NTRK2: variants seen among roughly 807,000 people sequenced by gnomAD.
The protein encoded by NTRK2 is BDNF/NT-3 growth factors receptor.
A neutral mutation model predicts 94.5 loss-of-function variants in NTRK2; 13 were observed. The observed-to-expected ratio is 0.14, with a 90% CI of 0.09 to 0.22. NTRK2 has a LOEUF of 0.22. Among genes scored for constraint, NTRK2 ranks in the 10% least tolerant of loss-of-function variants. NTRK2 has a pLI of 1.00. For synonymous variants in NTRK2, 372 were observed against 407.4 expected, an observed-to-expected ratio of 0.91 and a Z score of 1.05; for missense variants, 639 against 1,071.2, an observed-to-expected ratio of 0.60 and a Z score of 5.63.
At chr9:84,874,197 C>T (rs1279162685) in intron 14 of NTRK2, 3 of 1,065,228 alleles carry the variant, frequency 2.8e-6, no homozygotes, top group South Asian at 9.1e-5. Flanking sequence ...CCAGGACCAG[C>T]TGAGCAAACA....
intron 2 of NTRK2, among the ~76,000 whole-genome samples, chr9:84,686,470 A>C (rs1216203737): frequency 6.6e-5 from 10 of 152,228 alleles, no homozygotes; most frequent in Admixed American, 6.5e-4. Context: ...ATAGCTAATA[A>C]TGGATATCCT....
intron 14 of NTRK2, chr9:84,876,488 G>A: frequency 2.8e-6 from 3 of 1,055,128 alleles, no homozygotes; most frequent in Non-Finnish European, 2.3e-6. Context: ...CTACTACTGA[G>A]GAATAGAGAG....
chr9:84,977,321 G>A (rs747171543), intron 17 of NTRK2, among the ~76,000 whole-genome samples: 49 of 152,160 alleles, frequency 3.2e-4, no homozygotes, highest in Non-Finnish European at 6.8e-4. Flanking sequence ...TTAGGAACAC[G>A]AGACAGAACT....
chr9:84,799,909 A>T (rs1588686510), intron 12 of NTRK2, among the ~76,000 whole-genome samples: 1 of 152,324 alleles, frequency 6.6e-6, no homozygotes, highest in East Asian at 1.9e-4. Context: ...TCCCTAATTA[A>T]TTTATTTTAT....
chr9:85,010,816 G>C (rs1831480866), intron 17 of NTRK2, among the ~76,000 whole-genome samples: 1 of 152,184 alleles, frequency 6.6e-6, no homozygotes, highest in African/African-American at 2.4e-5. Context: ...CCCCATTAGA[G>C]CCAAATGTAA....
rs1347538445 is a variant in NTRK2, at chr9:84,857,452, T to C, written c.1397-3588T>C. 2.0e-5 allele frequency among the ~76,000 whole-genome samples: 3 copies of C among 152,194 alleles called. No homozygotes were observed. The South Asian group carries it at 6.2e-4, about 32-fold the overall frequency. ...TCACAGGAAATTGAGAAATTGTTTC[T>C]TTTTGGCCTTGTGGGAAAATTTTGC... On this transcript the variant is annotated intron_variant, in intron 12 of 18. Coordinates refer to ENST00000277120, the MANE Select transcript of NTRK2 (RefSeq NM_006180.6).
At chr9:84,758,234 A>G (rs2065244881) in intron 12 of NTRK2, among the ~76,000 whole-genome samples, 1 of 152,008 alleles carries the variant, frequency 6.6e-6, no homozygotes, top group Non-Finnish European at 1.5e-5. Context: ...ACCTTTTTAT[A>G]AAAGCAAATC....
intron 17 of NTRK2, among the ~76,000 whole-genome samples, chr9:84,969,763 A>G (rs1164678226): frequency 6.6e-6 from 1 of 152,254 alleles, no homozygotes; most frequent in Non-Finnish European, 1.5e-5. Flanking sequence ...TTAAAAGTTC[A>G]TGAAAATGAG....
intron 12 of NTRK2, among the ~76,000 whole-genome samples, chr9:84,787,853 T>TGAA (rs1381445258): frequency 1.2e-4 from 18 of 152,130 alleles, no homozygotes; most frequent in Admixed American, 1.2e-3. Flanking sequence ...AACTTACCAG[T>TGAA]GAAGAGCAGG....
In NTRK2 at chr9:85,021,581, G is replaced by A. The variant is rs959497210; in HGVS notation, c.*144G>A. The A allele has an allele frequency of 7.5e-6, 6 of 797,766 alleles. No individual in the cohort carries two copies. Among genetic ancestry groups the A allele is most frequent in the South Asian group, 4.3e-5 (3 of 69,302 alleles). The allele number at this position is 797,766 out of a possible 1,614,324, so 49.4% of individuals were successfully genotyped here. Reference sequence around the variant, plus strand: ...ACATCAAAGACTCCGAGAAGCTCTCGAGGGAAGCAGTGTGTACTTCTTCAT... The same window carrying A: ...ACATCAAAGACTCCGAGAAGCTCTCAAGGGAAGCAGTGTGTACTTCTTCAT... On this transcript the variant is annotated 3_prime_UTR_variant, in exon 19 of 19. Coordinates refer to ENST00000277120, the MANE Select transcript of NTRK2 (RefSeq NM_006180.6).
At chr9:84,979,671 C>T (rs1827339294) in intron 17 of NTRK2, among the ~76,000 whole-genome samples, 1 of 152,070 alleles carries the variant, frequency 6.6e-6, no homozygotes, top group South Asian at 2.1e-4. Flanking sequence ...GATAAAATAC[C>T]ATCAAACAGC....
intron 13 of NTRK2, among the ~76,000 whole-genome samples, chr9:84,864,089 T>C (rs1192641756): frequency 2.0e-5 from 3 of 152,148 alleles, no homozygotes; most frequent in African/African-American, 7.2e-5. Context: ...AGATTCAAAG[T>C]CTGAATTTGG....
chr9:84,793,651 A>G (rs1352565522), intron 12 of NTRK2, among the ~76,000 whole-genome samples: 1 of 152,222 alleles, frequency 6.6e-6, no homozygotes, highest in African/African-American at 2.4e-5. Flanking sequence ...TGCAGCATAC[A>G]TGTAGACTTA....
chr9:84,933,354 C>G (rs2078104900), intron 14 of NTRK2, among the ~76,000 whole-genome samples: 2 of 152,148 alleles, frequency 1.3e-5, no homozygotes, highest in South Asian at 4.1e-4. Context: ...TGGTTTCCAC[C>G]TTGCAGCCAA....
chr9:84,921,372 G>A (rs2077561900), intron 14 of NTRK2, among the ~76,000 whole-genome samples: 1 of 152,168 alleles, frequency 6.6e-6, no homozygotes, highest in Non-Finnish European at 1.5e-5. Flanking sequence ...AGGAACCCAA[G>A]CACTGTGACT....
intron 14 of NTRK2, among the ~76,000 whole-genome samples, chr9:84,911,880 G>A (rs1315322563): frequency 6.6e-6 from 1 of 151,920 alleles, no homozygotes; most frequent in Non-Finnish European, 1.5e-5. Context: ...TCCTCCTAGT[G>A]CAAGCATTTA....
intron 9 of NTRK2, among the ~76,000 whole-genome samples, chr9:84,737,788 C>G (rs1314120066): frequency 6.7e-6 from 1 of 148,338 alleles, no homozygotes; most frequent in Non-Finnish European, 1.5e-5. Flanking sequence ...CAGCCTTCCC[C>G]CCCATCCGTC....
intron 12 of NTRK2, among the ~76,000 whole-genome samples, chr9:84,775,923 A>G (rs992221363): frequency 6.6e-6 from 1 of 152,208 alleles, no homozygotes; most frequent in Non-Finnish European, 1.5e-5. Flanking sequence ...GCCCTGATCT[A>G]GAGTACACAA....
At chr9:84,730,912 A>C (rs1344949204) in intron 9 of NTRK2, among the ~76,000 whole-genome samples, 1 of 151,674 alleles carries the variant, frequency 6.6e-6, no homozygotes, top group Non-Finnish European at 1.5e-5. Context: ...TTGATGAAGA[A>C]GTTTAGCTCT....
Sources: allele counts gnomAD v4.1 joint callset (sites outside exome capture counted in the v4.1 genomes callset), GRCh38; gene constraint gnomAD v4.1.1; transcripts MANE v1.5; gene names NCBI Gene and HGNC (gene_info 2026-07-23, HGNC 2026-07-21).